The following ENTPD1 variants were observed in gnomAD, a reference collection of about 807,000 sequenced individuals.
ENTPD1 encodes ATP diphosphohydrolase.
Under a neutral mutation model 57.0 loss-of-function variants are expected in ENTPD1, and 33 were observed. That is an observed-to-expected ratio of 0.58 (90% confidence interval 0.44 to 0.77). The LOEUF is 0.77. Among genes scored for constraint, ENTPD1 ranks in the 30% least tolerant of loss-of-function variants. The probability of loss-of-function intolerance (pLI) is 0.00; values close to 1 mark genes in which losing one functional copy is unlikely to be tolerated. For missense variants in ENTPD1, 501 were observed against 603.4 expected (o/e 0.83, Z 1.78); for synonymous variants, 202 against 218.8 (o/e 0.92, Z 0.68).
intron 1 of ENTPD1, among the ~76,000 whole-genome samples, chr10:95,744,393 T>C (rs557275216): frequency 1.3e-5 from 2 of 152,220 alleles, no homozygotes; most frequent in African/African-American, 4.8e-5. Context: ...CCTAGCACTT[T>C]GGGAGGCCAA....
chr10:95,699,612 AAAAG>A, the ENTPD1 span, among the ~76,000 whole-genome samples: 66,202 of 150,538 alleles, frequency 0.44, 15,799 homozygotes, highest in Admixed American at 0.54. Flanking sequence ...TGTCCAAAAA[AAAAG>A]AAAGAGAGAG....
intron 1 of ENTPD1, among the ~76,000 whole-genome samples, chr10:95,714,909 A>G (rs959800606): frequency 2.0e-5 from 3 of 152,210 alleles, no homozygotes; most frequent in Non-Finnish European, 4.4e-5. Flanking sequence ...GAGAATGTAC[A>G]TTCTGGATAC....
chr10:95,740,007 T>C (rs528107948), intron 1 of ENTPD1, among the ~76,000 whole-genome samples: 42 of 152,332 alleles, frequency 2.8e-4, no homozygotes, highest in Non-Finnish European at 4.7e-4. Flanking sequence ...AAAGGAATAT[T>C]TTTTCTGAGC....
At chr10:95,854,920 G>A (rs1459221353) in intron 7 of ENTPD1, among the ~76,000 whole-genome samples, 1 of 152,192 alleles carries the variant, frequency 6.6e-6, no homozygotes, top group Non-Finnish European at 1.5e-5. Context: ...TTGATTAGGG[G>A]TGGAGAGTTC....
At chr10:95,842,593 A>G in intron 4 of ENTPD1, 99 bp downstream of exon 4, 3 of 1,347,798 alleles carry the variant, frequency 2.2e-6, no homozygotes, top group Non-Finnish European at 3.0e-6. Context: ...CTAATACCCC[A>G]AGTTCTACAC....
intron 1 of ENTPD1, among the ~76,000 whole-genome samples, chr10:95,815,934 T>C (rs562979238): frequency 2.2e-4 from 34 of 152,318 alleles, no homozygotes; most frequent in African/African-American, 7.7e-4. Flanking sequence ...TGAGCCCTTT[T>C]CCCGTGATTC....
At chr10:95,775,348 GA>G (rs1041440616) in intron 1 of ENTPD1, among the ~76,000 whole-genome samples, 1 of 152,162 alleles carries the variant, frequency 6.6e-6, no homozygotes, top group Non-Finnish European at 1.5e-5. Flanking sequence ...GCCCTGGCCA[GA>G]ACTTCCAACA....
rs78406961 is a variant in ENTPD1 at position 95,822,947 on chromosome 10, C to G, written c.17-290C>G. ...TGATAGATCTGTGTGAACTGTTAAA[C>G]AGCCAATTTGGGGCTCTTCTCACTC... On this transcript the variant is annotated intron_variant, in intron 1 of 9. Coordinates refer to ENST00000371205, the MANE Select transcript of ENTPD1 (RefSeq NM_001776.6). Among the ~76,000 whole-genome samples the G allele has an allele frequency of 7.7e-4, 117 of 152,326 alleles. 3 individuals carry two copies. The East Asian group carries it at 0.022, about 29-fold the overall frequency.
At chr10:95,750,682 G>A (rs954137178), upstream of ENTPD1, among the ~76,000 whole-genome samples, 1 of 152,214 alleles carries the variant, frequency 6.6e-6, no homozygotes, top group Non-Finnish European at 1.5e-5. Flanking sequence ...GGAGGACCAG[G>A]TGGATAAGAG....
intron 2 of ENTPD1, among the ~76,000 whole-genome samples, chr10:95,836,479 A>G (rs960875965): frequency 4.6e-5 from 7 of 152,222 alleles, no homozygotes; most frequent in Non-Finnish European, 7.3e-5. Flanking sequence ...GATATTTAAG[A>G]AACTTTTAGT....
rs2098480642 is a variant in ENTPD1, at chr10:95,871,711, A to G, written c.*5328A>G. 1.0e-6 allele frequency: 1 copy of G among 985,320 alleles called. No individual in the cohort carries two copies. 61.0% of individuals were successfully genotyped at this position (985,320 alleles called of 1,614,324 possible). On this transcript the variant is annotated 3_prime_UTR_variant, in exon 10 of 10. Transcript: ENST00000371205. ...TAAGTTATAAATTGACACTATAATC[A>G]ACTGACACCATGATCAGTGATGATG...
chr10:95,861,282 T>C (rs1414985379), intron 8 of ENTPD1: 1 of 152,510 alleles, frequency 6.6e-6, no homozygotes, highest in African/African-American at 2.4e-5. Context: ...TTCATAAACT[T>C]GAAGCACAAT....
intron 7 of ENTPD1, among the ~76,000 whole-genome samples, chr10:95,847,934 T>TCA (rs1477372399): frequency 6.6e-6 from 1 of 152,194 alleles, no homozygotes; most frequent in Admixed American, 6.5e-5. Flanking sequence ...AAGCACCATA[T>TCA]CACTAGGTCA....
chr10:95,728,853 T>C (rs1294930526), intron 1 of ENTPD1, among the ~76,000 whole-genome samples: 1 of 152,214 alleles, frequency 6.6e-6, no homozygotes, highest in East Asian at 1.9e-4. Context: ...TTTATTTCCA[T>C]TTCTCTCAAC....
intron 1 of ENTPD1, among the ~76,000 whole-genome samples, chr10:95,736,025 G>C (rs1448415616): frequency 7.6e-6 from 1 of 132,204 alleles, no homozygotes; most frequent in Non-Finnish European, 1.6e-5. Context: ...TTTTGAGACA[G>C]AGTCTCACTC....
At chr10:95,742,144 T>G (rs1447654436) in intron 1 of ENTPD1, among the ~76,000 whole-genome samples, 1 of 152,230 alleles carries the variant, frequency 6.6e-6, no homozygotes, top group African/African-American at 2.4e-5. Flanking sequence ...CACTGACTCT[T>G]AGGCCCAGCA....
At chr10:95,756,159 T>C (rs898070453), upstream of ENTPD1, 118 of 1,558,106 alleles carry the variant, frequency 7.6e-5, no homozygotes, top group Non-Finnish European at 6.3e-5. Flanking sequence ...TGAGGACCTC[T>C]CTCACGGAGA....
chr10:95,764,544 A>G (rs1282735787), intron 1 of ENTPD1, among the ~76,000 whole-genome samples: 1 of 152,090 alleles, frequency 6.6e-6, no homozygotes, highest in East Asian at 1.9e-4. Context: ...ATCCTTGCCA[A>G]CACTTTTTAT....
intron 1 of ENTPD1, among the ~76,000 whole-genome samples, chr10:95,726,694 C>G (rs1040138263): frequency 6.6e-5 from 10 of 152,078 alleles, no homozygotes; most frequent in African/African-American, 2.2e-4. Context: ...TCTTTACTTT[C>G]AAGATATTTT....
Sources: allele counts gnomAD v4.1 joint callset (sites outside exome capture counted in the v4.1 genomes callset), GRCh38; gene constraint gnomAD v4.1.1; transcripts MANE v1.5; gene names NCBI Gene and HGNC (gene_info 2026-07-23, HGNC 2026-07-21).